NRXN3: variants seen among roughly 807,000 people sequenced by gnomAD.
NRXN3 encodes the protein neurexin 3.
Under a neutral mutation model 137.6 loss-of-function variants are expected in NRXN3, and 32 were observed. That is an observed-to-expected ratio of 0.23 (90% CI 0.18 to 0.31). NRXN3 has a LOEUF of 0.31. Ranked by LOEUF, NRXN3 falls within the 10% of genes least tolerant of loss-of-function variation. The pLI, the probability that NRXN3 is intolerant of heterozygous loss-of-function variation, is 1.00. For missense variants in NRXN3, 1,574 were observed against 2,062.5 expected (o/e 0.76, Z 4.59); for synonymous variants, 798 against 784.5 (o/e 1.02, Z -0.29).
intron 15 of NRXN3, among the ~76,000 whole-genome samples, chr14:79,364,389 AT>A (rs2153423412): frequency 6.6e-6 from 1 of 152,254 alleles, no homozygotes; most frequent in East Asian, 1.9e-4. Context: ...TTCTGTAAGT[AT>A]TTTTTCTTCA....
chr14:79,779,931 C>T (rs75094233), intron 19 of NRXN3, among the ~76,000 whole-genome samples: 5,797 of 152,174 alleles, frequency 0.038, 157 homozygotes, highest in South Asian at 0.096. Context: ...GTGGTGCAAT[C>T]TCAGCTTACA....
At chr14:79,551,121 A>G (rs866696135) in intron 16 of NRXN3, among the ~76,000 whole-genome samples, 1 of 152,214 alleles carries the variant, frequency 6.6e-6, no homozygotes, top group Non-Finnish European at 1.5e-5. Flanking sequence ...AATCACAGTT[A>G]TCTCCCAGGA....
chr14:79,732,717 AATTCCCAC>A (rs2098928446), intron 19 of NRXN3, among the ~76,000 whole-genome samples: 1 of 152,144 alleles, frequency 6.6e-6, no homozygotes, highest in Non-Finnish European at 1.5e-5. Context: ...TATTTCACTT[AATTCCCAC>A]AATAACTGTA....
At chr14:78,606,841 A>G (rs1163979157) in intron 4 of NRXN3, among the ~76,000 whole-genome samples, 1 of 152,248 alleles carries the variant, frequency 6.6e-6, no homozygotes, top group Non-Finnish European at 1.5e-5. Context: ...GTAAGCGTTT[A>G]TTGGGGAATA....
At chr14:79,017,156 A>G (rs78199511) in intron 15 of NRXN3, among the ~76,000 whole-genome samples, 2,068 of 152,100 alleles carry the variant, frequency 0.014, 23 homozygotes, top group East Asian at 0.03. Flanking sequence ...AGATGACCCC[A>G]TACATTGGCT....
intron 19 of NRXN3, among the ~76,000 whole-genome samples, chr14:79,727,376 T>A (rs745564413): frequency 6.6e-6 from 1 of 152,186 alleles, no homozygotes; most frequent in South Asian, 2.1e-4. Context: ...GGGATACCGA[T>A]GTTAATTTCT....
At chr14:78,539,491 C>T (rs2096568203) in intron 4 of NRXN3, among the ~76,000 whole-genome samples, 1 of 151,622 alleles carries the variant, frequency 6.6e-6, no homozygotes, top group South Asian at 2.1e-4. Flanking sequence ...CTATTTGATT[C>T]TTCTCTCTTT....
rs558304007 is a variant in NRXN3 at position 79,494,065 on chromosome 14, A to G, written c.3444+26663A>G. 1.5e-4 allele frequency among the ~76,000 whole-genome samples: 23 copies of G among 152,306 alleles called. No individual in the cohort carries two copies. The South Asian group carries it at 4.4e-3, about 29-fold the overall frequency. Reference sequence around the variant, plus strand: ...ATGAATGTATAAAAAGTGTATTTTAATTGAAATCTTAACAAGTATGCATTA... The same window carrying G: ...ATGAATGTATAAAAAGTGTATTTTAGTTGAAATCTTAACAAGTATGCATTA... On this transcript the variant is annotated intron_variant, in intron 16 of 20. Transcript: ENST00000335750.
At chr14:79,450,697 C>A (rs1424878005) in intron 15 of NRXN3, among the ~76,000 whole-genome samples, 2 of 151,810 alleles carry the variant, frequency 1.3e-5, no homozygotes, top group African/African-American at 4.8e-5. Flanking sequence ...TAAAAGTTAT[C>A]TCTACTAAAA....
chr14:78,277,200 C>G (rs1448795350), intron 2 of NRXN3, among the ~76,000 whole-genome samples: 1 of 152,202 alleles, frequency 6.6e-6, no homozygotes, highest in Admixed American at 6.5e-5. Context: ...TAAGGACACA[C>G]TGGAGCTTTA....
At chr14:78,569,555 G>A (rs1205717309) in intron 4 of NRXN3, among the ~76,000 whole-genome samples, 9 of 148,868 alleles carry the variant, frequency 6.0e-5, no homozygotes, top group East Asian at 2.0e-4. Flanking sequence ...GTGAGCCACC[G>A]CGTCCGGCCG....
intron 19 of NRXN3, among the ~76,000 whole-genome samples, chr14:79,763,733 C>A (rs888750387): frequency 2.6e-5 from 4 of 151,440 alleles, no homozygotes; most frequent in African/African-American, 9.8e-5. Context: ...TTTCTGCGAC[C>A]AGTTTTTCAA....
At chr14:79,802,008 A>G (rs1022570651) in intron 19 of NRXN3, among the ~76,000 whole-genome samples, 2 of 151,860 alleles carry the variant, frequency 1.3e-5, no homozygotes, top group South Asian at 2.1e-4. Flanking sequence ...AGAGGAAGAC[A>G]GTATCTTTTC....
intron 15 of NRXN3, among the ~76,000 whole-genome samples, chr14:79,261,662 G>GA (rs1384598823): frequency 7.4e-6 from 1 of 134,848 alleles, no homozygotes; most frequent in Admixed American, 7.8e-5. Flanking sequence ...GGGGCGGGGG[G>GA]ATGACAACAT....
chr14:79,233,273 A>G (rs1038784470), intron 15 of NRXN3, among the ~76,000 whole-genome samples: 22 of 152,142 alleles, frequency 1.4e-4, no homozygotes, highest in Non-Finnish European at 2.9e-4. Flanking sequence ...TCATTACTAC[A>G]TTTACCCTTC....
At position 78,225,986 on chromosome 14, in the gene NRXN3, T is replaced by TGTTG. The variant is rs1555412920; in HGVS notation, c.-703-16403_-703-16402insTGGT. Reference sequence around the variant, plus strand: ...GTGTGTGTGTGTTGGTGTGTGTGTGTGTGTGTGTGTGTGTGTGTGTGTGTG... The same window carrying TGTTG: ...GTGTGTGTGTGTTGGTGTGTGTGTGTGTTGGTGTGTGTGTGTGTGTGTGTGTGTG... On this transcript the variant is annotated intron_variant, in intron 1 of 20. Transcript: ENST00000335750. Among the ~76,000 whole-genome samples, 321 of 121,256 alleles carry TGTTG rather than the reference T, an allele frequency of 2.6e-3. 1 individual carries two copies. The highest frequency in any genetic ancestry group is 8.6e-3 in the African/African-American group (312 of 36,306). The allele number at this position is 121,256 out of a possible 152,430, so 79.5% of individuals were successfully genotyped here.
chr14:78,484,968 C>A (rs1401389146), intron 4 of NRXN3, among the ~76,000 whole-genome samples: 1 of 152,104 alleles, frequency 6.6e-6, no homozygotes, highest in African/African-American at 2.4e-5. Context: ...ATGAACCTTG[C>A]CAGCACACTC....
intron 15 of NRXN3, among the ~76,000 whole-genome samples, chr14:79,188,382 C>T (rs8021706): frequency 0.29 from 40,196 of 138,664 alleles, 6,200 homozygotes; most frequent in Non-Finnish European, 0.37. Context: ...AGCCCTTTGG[C>T]TTGTACAATA....
intron 15 of NRXN3, among the ~76,000 whole-genome samples, chr14:79,302,041 A>G (rs769153750): frequency 6.6e-6 from 1 of 151,950 alleles, no homozygotes; most frequent in Non-Finnish European, 1.5e-5. Flanking sequence ...TGACAATCAA[A>G]CTTTTCAAAT....
Sources: gnomAD v4.1 joint callset for allele counts (sites outside exome capture counted in the v4.1 genomes callset) on GRCh38, gnomAD v4.1.1 for gene constraint, MANE v1.5 for transcripts, NCBI Gene and HGNC (gene_info 2026-07-23, HGNC 2026-07-21) for gene names.